The following NALCN variants were observed in gnomAD, a reference collection of about 807,000 sequenced individuals.
NALCN encodes the protein sodium leak channel NALCN.
A neutral mutation model predicts 225.3 loss-of-function variants in NALCN; 111 were observed. The ratio of observed to expected loss-of-function variants is 0.49; its 90% CI spans 0.42 to 0.58. NALCN has a LOEUF of 0.58. Among genes scored for constraint, NALCN ranks in the 20% least tolerant of loss-of-function variants. The probability of loss-of-function intolerance (pLI) is 0.00; values close to 1 mark genes in which losing one functional copy is unlikely to be tolerated. For missense variants in NALCN, 1,378 were observed against 2,202.4 expected, an observed-to-expected ratio of 0.63 and a Z score of 7.49; for synonymous variants, 764 against 769.0, an observed-to-expected ratio of 0.99 and a Z score of 0.11.
rs1044465108 is a variant in NALCN, at chr13:101,089,082, G to A, written c.3489+581C>T. ...CCGGCTAATTTTTGTATTTTTAGTA[G>A]AGACAGGGTTTCACTATGTTGGCCA... On this transcript the variant is annotated intron_variant, in intron 30 of 43. Transcript: ENST00000251127. This position sits in a 1 kb window ranked among gnomAD's most constrained non-coding sequence, Gnocchi z 4.7. Among the ~76,000 whole-genome samples the A allele has an allele frequency of 1.3e-5, 2 of 151,958 alleles. No individual in the cohort carries two copies. Among genetic ancestry groups the A allele is most frequent in the Admixed American group, 6.6e-5 (1 of 15,240 alleles).
At chr13:101,271,161 CTG>C (rs1566511339) in intron 10 of NALCN, among the ~76,000 whole-genome samples, 1 of 152,040 alleles carries the variant, frequency 6.6e-6, no homozygotes, top group Non-Finnish European at 1.5e-5. Flanking sequence ...AGAAGCAAAA[CTG>C]TTTAATTGCC....
chr13:101,172,178 G>A (rs572073500), intron 15 of NALCN, among the ~76,000 whole-genome samples: 24 of 152,170 alleles, frequency 1.6e-4, no homozygotes, highest in African/African-American at 5.3e-4. Flanking sequence ...GACATACAGC[G>A]CCATGCTTCT....
intron 13 of NALCN, among the ~76,000 whole-genome samples, chr13:101,200,185 G>C (rs488883): frequency 0.62 from 94,585 of 151,864 alleles, 30,286 homozygotes; most frequent in African/African-American, 0.78. Flanking sequence ...TATTTGATGT[G>C]TCATATGAAA....
chr13:101,297,591 C>G (rs1016285943), intron 7 of NALCN, among the ~76,000 whole-genome samples: 14 of 152,140 alleles, frequency 9.2e-5, no homozygotes, highest in Non-Finnish European at 1.5e-4. Flanking sequence ...GGCTTCAGTC[C>G]CTTTGGGAAC....
At chr13:101,241,995 A>G (rs140055447) in intron 11 of NALCN, among the ~76,000 whole-genome samples, 3,059 of 105,982 alleles carry the variant, frequency 0.029, 1,000 homozygotes, top group South Asian at 0.052. Flanking sequence ...GACTCACGTC[A>G]CATTTAATTT....
intron 6 of NALCN, among the ~76,000 whole-genome samples, chr13:101,365,995 A>G (rs1344317468): frequency 6.6e-6 from 1 of 152,298 alleles, no homozygotes; most frequent in East Asian, 1.9e-4. Flanking sequence ...TTCAGGAATG[A>G]TAATAAGGTG....
intron 15 of NALCN, among the ~76,000 whole-genome samples, chr13:101,154,890 T>C (rs1175688843): frequency 6.6e-6 from 1 of 152,192 alleles, no homozygotes; most frequent in Non-Finnish European, 1.5e-5. Flanking sequence ...ACATCAGATT[T>C]TCTATTAGAA....
intron 2 of NALCN, among the ~76,000 whole-genome samples, chr13:101,398,184 T>A (rs1003237070): frequency 6.6e-6 from 1 of 151,990 alleles, no homozygotes; most frequent in Non-Finnish European, 1.5e-5. Flanking sequence ...AGCAGAAGCG[T>A]GATGTGAATA....
intron 13 of NALCN, among the ~76,000 whole-genome samples, chr13:101,227,249 T>C (rs1183723065): frequency 6.6e-6 from 1 of 152,192 alleles, no homozygotes; most frequent in Non-Finnish European, 1.5e-5. Context: ...ACCTTTGCCA[T>C]CATCCTCCTT....
chr13:101,097,911 A>T (rs1004503272), intron 27 of NALCN, among the ~76,000 whole-genome samples: 28 of 152,218 alleles, frequency 1.8e-4, no homozygotes, highest in Non-Finnish European at 2.2e-4. Flanking sequence ...TAAACAAGGT[A>T]ATCTAATCTT....
At chr13:101,266,701 G>A (rs1279511904) in intron 10 of NALCN, among the ~76,000 whole-genome samples, 2 of 152,178 alleles carry the variant, frequency 1.3e-5, no homozygotes, top group East Asian at 1.9e-4. Flanking sequence ...GCAATTACAT[G>A]ATGAAATTCT....
intron 15 of NALCN, among the ~76,000 whole-genome samples, chr13:101,145,777 T>G (rs116523119): frequency 0.02 from 3,016 of 152,286 alleles, 114 homozygotes; most frequent in African/African-American, 0.07. Flanking sequence ...ACGTCTGCCC[T>G]GTCTTCTGTC....
rs561320639 is a variant in NALCN at position 101,345,923 on chromosome 13, G to A, written c.645-503C>T. ...ATATAGAGTCAGTTAAGACTGAAGC[G>A]AAGATGGATCATTTGGCTTACATAT... On this transcript the variant is annotated intron_variant, in intron 6 of 43. Transcript: ENST00000251127. Among the ~76,000 whole-genome samples the A allele has an allele frequency of 4.8e-4, 71 of 147,478 alleles. No homozygotes were observed. In the East Asian group the frequency reaches 0.01, roughly 22 times the overall value.
At chr13:101,273,445 T>C (rs1364374967) in intron 10 of NALCN, among the ~76,000 whole-genome samples, 1 of 152,146 alleles carries the variant, frequency 6.6e-6, no homozygotes, top group Middle Eastern at 3.2e-3. Flanking sequence ...TTCTAATCGG[T>C]TTCTTTAATA....
intron 34 of NALCN, 39 bp downstream of exon 34, chr13:101,081,488 G>A: frequency 6.2e-7 from 1 of 1,613,424 alleles, no homozygotes; most frequent in East Asian, 2.2e-5. Context: ...GAACCAAACT[G>A]AAATAATCAG....
chr13:101,169,893 C>T (rs557104477), intron 15 of NALCN, among the ~76,000 whole-genome samples: 1 of 152,318 alleles, frequency 6.6e-6, no homozygotes, highest in Admixed American at 6.5e-5. Context: ...TTATATCAGT[C>T]TTTTAAAATT....
chr13:101,096,192 C>A (rs1204238384), intron 27 of NALCN, among the ~76,000 whole-genome samples: 1 of 152,094 alleles, frequency 6.6e-6, no homozygotes, highest in Non-Finnish European at 1.5e-5. Flanking sequence ...CACAGAGTTA[C>A]CATATGAGCC....
intron 30 of NALCN, 29 bp from the exon 31 acceptor site, chr13:101,083,833 G>A (rs774470813): frequency 1.1e-5 from 18 of 1,604,890 alleles, no homozygotes; most frequent in Middle Eastern, 1.7e-4. Flanking sequence ...GCAGGAAAAG[G>A]CCTTTTGTCA....
chr13:101,071,620 C>T (rs2032892167), intron 37 of NALCN, among the ~76,000 whole-genome samples: 1 of 152,128 alleles, frequency 6.6e-6, no homozygotes, highest in Non-Finnish European at 1.5e-5. Context: ...AGCTTAAGGG[C>T]ATGTTGTGGC....
Sources: allele counts gnomAD v4.1 joint callset (sites outside exome capture counted in the v4.1 genomes callset), GRCh38; gene constraint gnomAD v4.1.1; non-coding constraint Gnocchi (gnomAD v3.1); transcripts MANE v1.5; gene names NCBI Gene and HGNC (gene_info 2026-07-23, HGNC 2026-07-21).